The following CTSC variants were observed in gnomAD, a reference collection of about 807,000 sequenced individuals.
CTSC encodes dipeptidyl peptidase 1.
Under a neutral mutation model 40.9 loss-of-function variants are expected in CTSC, and 37 were observed. The observed-to-expected ratio is 0.91, with a 90% CI of 0.70 to 1.19. CTSC has a LOEUF of 1.19. Among genes scored for constraint, CTSC ranks in the 50% most tolerant of loss-of-function variants. The pLI, the probability that CTSC is intolerant of heterozygous loss-of-function variation, is 0.00. For missense variants in CTSC, 594 were observed against 567.3 expected (o/e 1.05, Z -0.48); for synonymous variants, 232 against 207.4 (o/e 1.12, Z -1.02).
At chr11:88,327,350 A>G (rs1171045220) in intron 2 of CTSC, among the ~76,000 whole-genome samples, 8 of 152,164 alleles carry the variant, frequency 5.3e-5, no homozygotes, top group Admixed American at 1.3e-4. Context: ...CCTTTTTCAT[A>G]TCTCACTTCT....
At chr11:88,296,083 C>G (rs1000850686) in intron 6 of CTSC, 50 bp downstream of exon 6, 1 of 1,605,782 alleles carries the variant, frequency 6.2e-7, no homozygotes, top group African/African-American at 1.3e-5. Flanking sequence ...CAACAGCCAG[C>G]TGCACACAGG....
chr11:88,296,076 C>G lies in CTSC; in HGVS notation c.889+57G>C. Reference sequence around the variant, plus strand: ...ATCATCCTTTTGCCTTTGCCAACAACAGCCAGCTGCACACAGGTAAATAGC... The same window carrying G: ...ATCATCCTTTTGCCTTTGCCAACAAGAGCCAGCTGCACACAGGTAAATAGC... On this transcript the variant is annotated intron_variant, in intron 6 of 6. Transcript: ENST00000227266. The G allele has an allele frequency of 1.9e-6, 3 of 1,599,008 alleles. No individual in the cohort carries two copies. In the East Asian group the frequency reaches 6.7e-5, roughly 36 times the overall value.
intron 6 of CTSC, 27 bp downstream of exon 6, chr11:88,296,106 A>C (rs1322531329): frequency 8.1e-6 from 13 of 1,612,478 alleles, no homozygotes; most frequent in Non-Finnish European, 1.1e-5. Flanking sequence ...AATAGCTCAT[A>C]AATGGTGTCT....
At chr11:88,298,831 A>T (rs1403986421) in intron 5 of CTSC, 1 of 152,180 alleles carries the variant, frequency 6.6e-6, no homozygotes, top group African/African-American at 2.4e-5. Context: ...TATGAAAACC[A>T]ATGTCAAATA....
At chr11:88,337,396 A>G (rs1938527860) in intron 1 of CTSC, 105 bp downstream of exon 1, 1 of 1,188,354 alleles carries the variant, frequency 8.4e-7, no homozygotes, top group Non-Finnish European at 1.2e-6. Context: ...TGCTCTGGCC[A>G]CCCACAAGCG....
chr11:88,295,129 A>T (rs1944283760), intron 6 of CTSC, among the ~76,000 whole-genome samples: 1 of 152,200 alleles, frequency 6.6e-6, no homozygotes, highest in African/African-American at 2.4e-5. Flanking sequence ...TCATGAGGAT[A>T]AAGATTGTCT....
Position 88,309,325 on chromosome 11 carries a change from C to A in CTSC, c.486-7G>T, listed in dbSNP as rs1202142501. ...GTAGAGCCTATTAGAATACCTGTCCCCAAAAATGAGATAATTTCAGATATA... is the reference window on the plus strand; with the variant it reads ...GTAGAGCCTATTAGAATACCTGTCCACAAAAATGAGATAATTTCAGATATA... On this transcript the variant is annotated splice_polypyrimidine_tract_variant and splice_region_variant and intron_variant, in intron 3 of 6. Coordinates refer to ENST00000227266, the MANE Select transcript of CTSC (RefSeq NM_001814.6). The A allele has an allele frequency of 6.2e-7, 1 of 1,609,792 alleles. No individual in the cohort carries two copies. Among genetic ancestry groups the A allele is most frequent in the Non-Finnish European group, 8.5e-7 (1 of 1,176,418 alleles).
intron 2 of CTSC, among the ~76,000 whole-genome samples, chr11:88,329,127 C>T (rs1938270689): frequency 6.6e-6 from 1 of 151,908 alleles, no homozygotes; most frequent in Non-Finnish European, 1.5e-5. Flanking sequence ...TCTACTGCTC[C>T]CTTTTAGAGT....
At position 88,337,641 on chromosome 11, in the gene CTSC, G is replaced by A; in HGVS notation, c.32C>T (p.Ala11Val). 1.9e-6 allele frequency: 3 copies of A among 1,583,766 alleles called. No individual in the cohort carries two copies. Among genetic ancestry groups the A allele is most frequent in the Admixed American group, 1.8e-5 (1 of 55,682 alleles). ...GTCGCCGGAGAGAAGCAGCAGGAGGGCGGCGAGCAGCAAGGAGGGCCCAGC... is the reference window on the plus strand; with the variant it reads ...GTCGCCGGAGAGAAGCAGCAGGAGGACGGCGAGCAGCAAGGAGGGCCCAGC... MGAGPSLLLA[A>V]LLLLLSGDGA... Residue 11 changes from alanine to valine, a missense_variant, in exon 1 of 7, where the codon GCC becomes GTC. Transcript: ENST00000227266.
At chr11:88,329,334 T>G (rs2134816327) in intron 2 of CTSC, among the ~76,000 whole-genome samples, 1 of 151,192 alleles carries the variant, frequency 6.6e-6, no homozygotes, top group African/African-American at 2.4e-5. Context: ...ATACAAAAAT[T>G]AGCTGGGCGT....
chr11:88,293,923 C>T lies in CTSC; in HGVS notation c.*83G>A, dbSNP rs1176393422. ...ATCTATTTGTAAGCTTCTGAGATTG[C>T]TGCTGAAAGTCTACAGTCTGTGAAT... On this transcript the variant is annotated 3_prime_UTR_variant, in exon 7 of 7. Coordinates refer to ENST00000227266, the MANE Select transcript of CTSC (RefSeq NM_001814.6). The T allele has an allele frequency of 9.7e-6, 14 of 1,440,724 alleles. No individual in the cohort carries two copies. The highest frequency in any genetic ancestry group is 1.4e-5 in the Non-Finnish European group (14 of 1,031,458). The allele number at this position is 1,440,724 out of a possible 1,614,324, so 89.2% of individuals were successfully genotyped here.
In CTSC at chr11:88,335,059, C is replaced by A. The variant is rs770425314; in HGVS notation, c.196G>T (p.Val66Leu). The change falls in exon 2 of 7, where the codon GTG becomes TTG. Residue 66 changes from valine to leucine, a missense_variant. Val to Leu is a conservative substitution (Grantham distance 32). Transcript: ENST00000227266. ...VMGPQEKKVVVYLQKLDTAYD... is the reference protein window; with the variant it reads ...VMGPQEKKVVLYLQKLDTAYD... ...GCTGTATCCAGCTTCTGAAGGTACACCACTACTTTTTTTTCTTGTGGTCCT... is the reference window on the plus strand; with the variant it reads ...GCTGTATCCAGCTTCTGAAGGTACAACACTACTTTTTTTTCTTGTGGTCCT... 1.2e-6 allele frequency: 2 copies of A among 1,607,622 alleles called. No homozygotes were observed. Among genetic ancestry groups the A allele is most frequent in the Middle Eastern group, 1.7e-4 (1 of 6,048 alleles).
chr11:88,294,348 A>G lies in CTSC; in HGVS notation c.1050T>C (p.Gly350=). Residue 350 remains glycine, a synonymous_variant, in exon 7 of 7, where the codon GGT becomes GGC. Coordinates refer to ENST00000227266, the MANE Select transcript of CTSC (RefSeq NM_001814.6). ...GGGCTTCATTGCAGCCTCCATAGAA[A>G]CCTCCTACATAGTGGTACTCAGAGG... ...YYSSEYHYVG[G]FYGGCNEALM... The G allele has an allele frequency of 6.2e-7, 1 of 1,613,854 alleles. No individual in the cohort carries two copies. The highest frequency in any genetic ancestry group is 8.5e-7 in the Non-Finnish European group (1 of 1,179,960).
rs1944267459 is a variant in CTSC at position 88,293,827 on chromosome 11, C to T, written c.*179G>A. ...TAATTGAATACTTAGAAAAAAATGGCCAGTGGCCGATTGAAAGGTATATTA... is the reference window on the plus strand; with the variant it reads ...TAATTGAATACTTAGAAAAAAATGGTCAGTGGCCGATTGAAAGGTATATTA... On this transcript the variant is annotated 3_prime_UTR_variant, in exon 7 of 7. Transcript: ENST00000227266. 4.3e-6 allele frequency: 3 copies of T among 703,388 alleles called. No individual in the cohort carries two copies. The highest frequency in any genetic ancestry group is 7.1e-6 in the Non-Finnish European group (3 of 421,796). 43.6% of individuals were successfully genotyped at this position (703,388 alleles called of 1,614,324 possible). A position where few individuals can be genotyped will look rare whatever the true frequency, so the allele number is the denominator to read the frequency against.
intron 2 of CTSC, among the ~76,000 whole-genome samples, chr11:88,326,761 A>G (rs539102382): frequency 6.6e-6 from 1 of 152,342 alleles, no homozygotes; most frequent in African/African-American, 2.4e-5. Context: ...ACTTAGATAC[A>G]TTAACATGTA....
At chr11:88,300,794 T>C (rs1944351644) in intron 4 of CTSC, 149 bp from the exon 5 acceptor site, 3 of 657,644 alleles carry the variant, frequency 4.6e-6, no homozygotes, top group African/African-American at 3.6e-5. Flanking sequence ...AGTGATTCAA[T>C]GTGTCAATTA....
chr11:88,319,106 G>A (rs1026997483), intron 2 of CTSC, among the ~76,000 whole-genome samples: 2 of 152,098 alleles, frequency 1.3e-5, no homozygotes, highest in African/African-American at 2.4e-5. Flanking sequence ...AAACTGACTT[G>A]AGCATCTTAT....
intron 2 of CTSC, among the ~76,000 whole-genome samples, chr11:88,327,369 A>G (rs887028726): frequency 6.6e-6 from 1 of 152,136 alleles, no homozygotes; most frequent in Non-Finnish European, 1.5e-5. Flanking sequence ...CTGGTATTTA[A>G]GAGCCAAGTA....
At chr11:88,312,987 CA>C in intron 2 of CTSC, among the ~76,000 whole-genome samples, 1 of 152,304 alleles carries the variant, frequency 6.6e-6, no homozygotes, top group South Asian at 2.1e-4. Context: ...GGCGAAGTGG[CA>C]GAAACAGAAT....
Sources: allele counts gnomAD v4.1 joint callset (sites outside exome capture counted in the v4.1 genomes callset), GRCh38; gene constraint gnomAD v4.1.1; transcripts MANE v1.5; gene names NCBI Gene and HGNC (gene_info 2026-07-23, HGNC 2026-07-21).